The following CNTNAP4 variants were observed in gnomAD, a reference collection of about 807,000 sequenced individuals.
CNTNAP4 encodes contactin associated protein family member 4, also known as contactin-associated protein-like 4.
CNTNAP4 carries 98 observed loss-of-function variants against 148.4 expected under a neutral mutation model. The observed-to-expected ratio is 0.66, with a 90% CI of 0.56 to 0.78. The LOEUF is 0.78. Ranked by LOEUF, CNTNAP4 falls within the 30% of genes least tolerant of loss-of-function variation. The probability of loss-of-function intolerance (pLI) is 0.00; values close to 1 mark genes in which losing one functional copy is unlikely to be tolerated. For missense variants in CNTNAP4, 1,935 were observed against 1,565.6 expected (o/e 1.24, Z -3.98); for synonymous variants, 730 against 565.1 (o/e 1.29, Z -4.14).
chr16:76,538,389 T>C (rs780326420), intron 19 of CNTNAP4, 49 bp downstream of exon 19: 3 of 1,310,292 alleles, frequency 2.3e-6, no homozygotes, highest in Admixed American at 1.9e-5. Context: ...GAACACTAGC[T>C]CTGTAATAAT....
intron 4 of CNTNAP4, among the ~76,000 whole-genome samples, chr16:76,445,567 A>G (rs2080208144): frequency 6.6e-6 from 1 of 152,188 alleles, no homozygotes; most frequent in Admixed American, 6.5e-5. Context: ...TGCTTTAGGC[A>G]TTAATGGTTT....
At chr16:76,510,414 G>C (rs528094540) in intron 15 of CNTNAP4, among the ~76,000 whole-genome samples, 2 of 151,540 alleles carry the variant, frequency 1.3e-5, no homozygotes, top group South Asian at 4.2e-4. Flanking sequence ...TGGACATTTG[G>C]GCTGGATCCA....
In CNTNAP4 at chr16:76,415,203, A is replaced by G. The variant is rs555663247; in HGVS notation, c.391-12249A>G. ...CAGATGAAATATAGAATTATACTGA[A>G]TGCTATTTGATACATATGACCACTG... On this transcript the variant is annotated intron_variant, in intron 3 of 23. Coordinates refer to ENST00000611870, the MANE Select transcript of CNTNAP4 (RefSeq NM_033401.5). Among the ~76,000 whole-genome samples the G allele has an allele frequency of 2.7e-4, 41 of 151,350 alleles. 1 individual carries two copies. The highest frequency in any genetic ancestry group is 7.3e-4 in the Admixed American group (11 of 15,124).
chr16:76,349,524 G>T (rs1965196675), intron 2 of CNTNAP4, among the ~76,000 whole-genome samples: 2 of 152,084 alleles, frequency 1.3e-5, no homozygotes, highest in Non-Finnish European at 2.9e-5. Flanking sequence ...CCATTTAAGG[G>T]AGCCAAACAA....
At chr16:76,304,249 C>G (rs1370923280) in intron 1 of CNTNAP4, among the ~76,000 whole-genome samples, 1 of 152,122 alleles carries the variant, frequency 6.6e-6, no homozygotes, top group East Asian at 1.9e-4. Context: ...CTTGAACCCA[C>G]AGAGGAGGCT....
chr16:76,320,876 A>T (rs1483854915), intron 2 of CNTNAP4, among the ~76,000 whole-genome samples: 1 of 152,224 alleles, frequency 6.6e-6, no homozygotes, highest in Non-Finnish European at 1.5e-5. Flanking sequence ...ATACAATAGT[A>T]AATAAAATGA....
chr16:76,403,014 G>T (rs1305212152), intron 3 of CNTNAP4, among the ~76,000 whole-genome samples: 1 of 151,390 alleles, frequency 6.6e-6, no homozygotes, highest in South Asian at 2.1e-4. Context: ...CATATATTCT[G>T]TAGTTTTTGG....
chr16:76,350,258 T>C (rs1476072894), intron 2 of CNTNAP4, among the ~76,000 whole-genome samples: 1 of 152,174 alleles, frequency 6.6e-6, no homozygotes, highest in Non-Finnish European at 1.5e-5. Context: ...ATTAAAATAG[T>C]ATTAAAAATA....
At chr16:76,475,020 C>T (rs1254684495) in intron 10 of CNTNAP4, among the ~76,000 whole-genome samples, 1 of 152,138 alleles carries the variant, frequency 6.6e-6, no homozygotes, top group Admixed American at 6.5e-5. Flanking sequence ...CAGAGCCAGG[C>T]GTGGTGGCAC....
chr16:76,552,861 C>G (rs1228161071), intron 21 of CNTNAP4, among the ~76,000 whole-genome samples: 1 of 152,172 alleles, frequency 6.6e-6, no homozygotes, highest in Non-Finnish European at 1.5e-5. Context: ...TCTCTAGTTT[C>G]TGTTACTTTC....
At chr16:76,390,044 A>G (rs144135902) in intron 3 of CNTNAP4, among the ~76,000 whole-genome samples, 398 of 152,286 alleles carry the variant, frequency 2.6e-3, no homozygotes, top group African/African-American at 9.2e-3. Context: ...GGGGAATTCT[A>G]GGAGCCAGTA....
chr16:76,293,925 T>C (rs1008400302), intron 1 of CNTNAP4, among the ~76,000 whole-genome samples: 24 of 152,106 alleles, frequency 1.6e-4, no homozygotes, highest in Admixed American at 1.2e-3. Flanking sequence ...CCTTTCTCTT[T>C]ATGTTCTACA....
At chr16:76,526,076 T>C (rs2083718886) in intron 17 of CNTNAP4, among the ~76,000 whole-genome samples, 1 of 152,058 alleles carries the variant, frequency 6.6e-6, no homozygotes, top group South Asian at 2.1e-4. Flanking sequence ...CAGTGATTTG[T>C]GTTGGGGACT....
chr16:76,460,773 A>AAAAAAAATAAATATATATATATATATAT, intron 8 of CNTNAP4, among the ~76,000 whole-genome samples: 1 of 57,324 alleles, frequency 1.7e-5, no homozygotes, highest in Non-Finnish European at 3.3e-5. Flanking sequence ...AAAAAAAAAA[A>AAAAAAAATAAATATATATATATATATAT]ATATATATAT....
At chr16:76,445,286 C>G (rs1995653) in intron 4 of CNTNAP4, among the ~76,000 whole-genome samples, 58,936 of 151,988 alleles carry the variant, frequency 0.39, 12,076 homozygotes, top group Middle Eastern at 0.52. Flanking sequence ...ATCAGAATGC[C>G]TGTTACAACC....
At chr16:76,418,803 A>G (rs1356261446) in intron 3 of CNTNAP4, among the ~76,000 whole-genome samples, 1 of 151,812 alleles carries the variant, frequency 6.6e-6, no homozygotes, top group Non-Finnish European at 1.5e-5. Context: ...TCTGATGACA[A>G]TAGAAACTAA....
intron 19 of CNTNAP4, among the ~76,000 whole-genome samples, chr16:76,539,185 A>G (rs1041422988): frequency 1.6e-4 from 24 of 152,070 alleles, no homozygotes; most frequent in African/African-American, 5.3e-4. Flanking sequence ...CAATTAAATG[A>G]GTAGTACTAA....
chr16:76,352,166 G>A (rs1037354702), intron 2 of CNTNAP4, among the ~76,000 whole-genome samples: 1 of 152,108 alleles, frequency 6.6e-6, no homozygotes, highest in Admixed American at 6.6e-5. Context: ...CAAAAATACA[G>A]AGAGATATGC....
chr16:76,300,775 C>T (rs1191194723), intron 1 of CNTNAP4, among the ~76,000 whole-genome samples: 2 of 152,148 alleles, frequency 1.3e-5, no homozygotes, highest in East Asian at 1.9e-4. Context: ...AACATTGGCA[C>T]GTTGGCAAGC....
Sources: gnomAD v4.1 joint callset for allele counts (sites outside exome capture counted in the v4.1 genomes callset) on GRCh38, gnomAD v4.1.1 for gene constraint, MANE v1.5 for transcripts, NCBI Gene and HGNC (gene_info 2026-07-23, HGNC 2026-07-21) for gene names.